CAMTA1: variants seen among roughly 807,000 people sequenced by gnomAD.
CAMTA1 encodes calmodulin binding transcription activator 1, also known as calmodulin-binding transcription activator 1.
A neutral mutation model predicts 170.9 loss-of-function variants in CAMTA1; 27 were observed. The observed-to-expected ratio is 0.16, with a 90% CI of 0.12 to 0.22. The LOEUF is 0.22. CAMTA1 is among the 10% of genes least tolerant of loss of function. The pLI is 1.00. For synonymous variants in CAMTA1, 833 were observed against 891.5 expected (o/e 0.93, Z 1.17); for missense variants, 1,619 against 2,217.2 (o/e 0.73, Z 5.42).
At chr1:6,834,206 A>G (rs1651820816) in intron 3 of CAMTA1, 1 of 148,236 alleles carries the variant, frequency 6.7e-6, no homozygotes, top group Non-Finnish European at 1.5e-5. Flanking sequence ...TTTAAGTTGT[A>G]CAATTCAGTA....
rs111530642 is a variant in CAMTA1 at position 7,621,450 on chromosome 1, G to A, written c.511-18950G>A. 8.2e-3 allele frequency among the ~76,000 whole-genome samples: 1,248 copies of A among 152,348 alleles called. 21 individuals carry two copies. The highest frequency in any genetic ancestry group is 0.028 in the African/African-American group (1,171 of 41,588). ...TTTGCTAAGCCAGGCGCCAACTGGA[G>A]ACAGTGACGGGAGAGTCTGAGCATC... On this transcript the variant is annotated intron_variant, in intron 6 of 22. Transcript: ENST00000303635.
chr1:7,131,824 G>A (rs1237141863), intron 4 of CAMTA1, among the ~76,000 whole-genome samples: 2 of 152,162 alleles, frequency 1.3e-5, no homozygotes, highest in Admixed American at 6.5e-5. Context: ...GGGAGGCCGA[G>A]GCGGGTGGAT....
At chr1:7,292,447 G>A (rs528258844) in intron 5 of CAMTA1, among the ~76,000 whole-genome samples, 11 of 152,264 alleles carry the variant, frequency 7.2e-5, no homozygotes, top group Admixed American at 1.3e-4. Flanking sequence ...CTCCGGAGAG[G>A]CTGGATGTGG....
intron 11 of CAMTA1, among the ~76,000 whole-genome samples, chr1:7,724,887 A>G (rs538696934): frequency 6.6e-6 from 1 of 152,036 alleles, no homozygotes; most frequent in Non-Finnish European, 1.5e-5. Flanking sequence ...AGGGATATGT[A>G]TATAAATATC....
intron 3 of CAMTA1, among the ~76,000 whole-genome samples, chr1:7,053,174 A>G (rs1423000772): frequency 6.6e-6 from 1 of 152,110 alleles, no homozygotes; most frequent in Non-Finnish European, 1.5e-5. Flanking sequence ...GCCAGTTCCA[A>G]GTGTTTGCCG....
intron 3 of CAMTA1, among the ~76,000 whole-genome samples, chr1:6,968,097 T>G (rs1691876318): frequency 6.6e-6 from 1 of 152,220 alleles, no homozygotes; most frequent in Non-Finnish European, 1.5e-5. Flanking sequence ...GGAGATAGCT[T>G]CCTCTACTCC....
Position 7,146,742 on chromosome 1 carries a change from C to T in CAMTA1, c.302+55371C>T, listed in dbSNP as rs918976739. Among the ~76,000 whole-genome samples, 1 of 151,922 alleles carries T rather than the reference C, an allele frequency of 6.6e-6. No individual in the cohort carries two copies. The highest frequency in any genetic ancestry group is 1.5e-5 in the Non-Finnish European group (1 of 67,964). ...TATTGCACACACACAAACACACACT[C>T]AAACATAAACCATGCACACACACAC... is the stretch of plus-strand genomic sequence containing the variant. On this transcript the variant is annotated intron_variant, in intron 4 of 22. Coordinates refer to ENST00000303635, the MANE Select transcript of CAMTA1 (RefSeq NM_015215.4). The surrounding 1 kb of genome is among the most constrained non-coding windows in gnomAD (Gnocchi z 4.3).
intron 5 of CAMTA1, among the ~76,000 whole-genome samples, chr1:7,284,733 G>A (rs1428115613): frequency 6.6e-6 from 1 of 152,174 alleles, no homozygotes; most frequent in Admixed American, 6.5e-5. Context: ...CCCACCACAA[G>A]GCCTTTGCAC....
At chr1:7,718,896 T>TA (rs150020973) in intron 11 of CAMTA1, among the ~76,000 whole-genome samples, 23,139 of 144,748 alleles carry the variant, frequency 0.16, 2,057 homozygotes, top group South Asian at 0.28. Flanking sequence ...TTAGGAGTAA[T>TA]ACGCTTTCTC....
intron 3 of CAMTA1, among the ~76,000 whole-genome samples, chr1:7,012,414 G>T (rs1215577535): frequency 6.6e-6 from 1 of 152,074 alleles, no homozygotes; most frequent in Admixed American, 6.5e-5. Context: ...CTGCCTCCTG[G>T]GTTTCTGGCA....
At position 7,005,276 on chromosome 1, in the gene CAMTA1, G is replaced by A. The variant is rs572146077; in HGVS notation, c.235-86028G>A. Reference sequence around the variant, plus strand: ...GACACTCTGGCCGGTTTTCCAGACAGGCACTCCATTTGCTAAAATCCAGCT... The same window carrying A: ...GACACTCTGGCCGGTTTTCCAGACAAGCACTCCATTTGCTAAAATCCAGCT... On this transcript the variant is annotated intron_variant, in intron 3 of 22. Transcript: ENST00000303635. Among the ~76,000 whole-genome samples the A allele has an allele frequency of 7.2e-5, 11 of 152,308 alleles. 1 individual carries two copies. The South Asian group carries it at 1.9e-3, about 26-fold the overall frequency.
At position 7,251,785 on chromosome 1, in the gene CAMTA1, T is replaced by C. The variant is rs1468015116; in HGVS notation, c.438+2159T>C. The stretch of plus-strand genomic sequence containing the variant: ...AGCATCCCGGGAGTGCAGAGTGGGC[T>C]GGAATGGTCAGAGACACTTCCTAGG... On this transcript the variant is annotated intron_variant, in intron 5 of 22. Transcript: ENST00000303635. This position sits in a 1 kb window ranked among gnomAD's most constrained non-coding sequence, Gnocchi z 5.1. Among the ~76,000 whole-genome samples the C allele has an allele frequency of 6.6e-6, 1 of 152,142 alleles. No homozygotes were observed.
At chr1:7,405,755 C>CT (rs199994451) in intron 5 of CAMTA1, among the ~76,000 whole-genome samples, 1 of 151,752 alleles carries the variant, frequency 6.6e-6, no homozygotes, top group Non-Finnish European at 1.5e-5. Context: ...AACACCACAC[C>CT]GGGTGGATGT....
At chr1:7,269,328 A>G (rs546327321) in intron 5 of CAMTA1, among the ~76,000 whole-genome samples, 8 of 152,380 alleles carry the variant, frequency 5.3e-5, no homozygotes, top group African/African-American at 1.9e-4. Flanking sequence ...ACCTTGCTAT[A>G]TGGACCTCCA....
chr1:7,736,297 C>T lies in CAMTA1; in HGVS notation c.3067-47C>T, dbSNP rs1283007109. Reference sequence around the variant, plus strand: ...CCCTACATCGAAGCGCTGATGGGGTCGAGGGCCTTTAGTCCTGAGGTCGTA... The same window carrying T: ...CCCTACATCGAAGCGCTGATGGGGTTGAGGGCCTTTAGTCCTGAGGTCGTA... On this transcript the variant is annotated intron_variant, in intron 12 of 22. Coordinates refer to ENST00000303635, the MANE Select transcript of CAMTA1 (RefSeq NM_015215.4). This position sits in a 1 kb window ranked among gnomAD's most constrained non-coding sequence, Gnocchi z 4.5. The T allele has an allele frequency of 6.5e-7, 1 of 1,543,350 alleles. No homozygotes were observed. Among genetic ancestry groups the T allele is most frequent in the Non-Finnish European group, 8.9e-7 (1 of 1,124,662 alleles).
At chr1:7,177,443 AC>A (rs1396574483) in intron 4 of CAMTA1, among the ~76,000 whole-genome samples, 1 of 137,070 alleles carries the variant, frequency 7.3e-6, no homozygotes, top group Non-Finnish European at 1.6e-5. Flanking sequence ...AGTCCCACTC[AC>A]ACAGAGGCCC....
chr1:7,409,766 A>T (rs2090575895), intron 5 of CAMTA1, among the ~76,000 whole-genome samples: 1 of 152,268 alleles, frequency 6.6e-6, no homozygotes, highest in African/African-American at 2.4e-5. Flanking sequence ...AAATAAATTA[A>T]TTTTTTTGTT....
intron 21 of CAMTA1, among the ~76,000 whole-genome samples, chr1:7,755,091 C>T (rs1052755759): frequency 1.3e-5 from 2 of 151,914 alleles, no homozygotes; most frequent in Admixed American, 6.6e-5. Context: ...TTTGGGAGGC[C>T]GAGGCAGGCA....
chr1:7,628,179 T>C (rs1027302215), intron 6 of CAMTA1, among the ~76,000 whole-genome samples: 3 of 152,176 alleles, frequency 2.0e-5, no homozygotes, highest in African/African-American at 7.2e-5. Context: ...CCCTTCTCCT[T>C]CTCCATGTGC....
Sources: allele counts gnomAD v4.1 joint callset (sites outside exome capture counted in the v4.1 genomes callset), GRCh38; gene constraint gnomAD v4.1.1; non-coding constraint Gnocchi (gnomAD v3.1); transcripts MANE v1.5; gene names NCBI Gene and HGNC (gene_info 2026-07-23, HGNC 2026-07-21).